NECTIN1: variants seen among roughly 807,000 people sequenced by gnomAD.
NECTIN1 encodes the protein nectin cell adhesion molecule 1.
A neutral mutation model predicts 48.0 loss-of-function variants in NECTIN1; 23 were observed. The ratio of observed to expected loss-of-function variants is 0.48; its 90% CI spans 0.34 to 0.68. NECTIN1 has a LOEUF of 0.68. NECTIN1 is among the 30% of genes least tolerant of loss of function. NECTIN1 has a pLI of 0.01. For missense variants in NECTIN1, 591 were observed against 709.9 expected, an observed-to-expected ratio of 0.83 and a Z score of 1.90; for synonymous variants, 270 against 288.9, an observed-to-expected ratio of 0.93 and a Z score of 0.66.
Position 119,677,461 on chromosome 11 carries a change from C to T in NECTIN1, c.733+94G>A, listed in dbSNP as rs891490814. The T allele has an allele frequency of 4.2e-6, 6 of 1,426,344 alleles. No homozygotes were observed. Among genetic ancestry groups the T allele is most frequent in the Non-Finnish European group, 5.9e-6 (6 of 1,015,184 alleles). The allele number at this position is 1,426,344 out of a possible 1,614,324, so 88.4% of individuals were successfully genotyped here. On this transcript the variant is annotated intron_variant, in intron 3 of 5. Coordinates refer to ENST00000264025, the MANE Select transcript of NECTIN1 (RefSeq NM_002855.5). The surrounding 1 kb of genome is among the most constrained non-coding windows in gnomAD (Gnocchi z 5.4). ...GAGACAGGAGGGGAGAAGAAAGCAC[C>T]CCCAGAAAGAGAAAGGGAGGAGAAA... is the stretch of plus-strand genomic sequence containing the variant.
Position 119,677,505 on chromosome 11 carries a change from G to A in NECTIN1, c.733+50C>T, listed in dbSNP as rs762963681. ...GGAGAAAGGAGAGGAGGAGGGAGGA[G>A]GGACAGTGGCGCCCACCCCAGGAGG... On this transcript the variant is annotated intron_variant, in intron 3 of 5. Transcript: ENST00000264025. The surrounding 1 kb of genome is among the most constrained non-coding windows in gnomAD (Gnocchi z 5.4). The A allele has an allele frequency of 1.9e-6, 3 of 1,584,198 alleles. No homozygotes were observed. The highest frequency in any genetic ancestry group is 2.2e-5 in the South Asian group (2 of 90,322).
rs992087653 is a variant in NECTIN1, at chr11:119,729,168, T to A, written c.-615A>T. On this transcript the variant is annotated 5_prime_UTR_variant, in exon 1 of 6. Transcript: ENST00000264025. ...GCCGGGTGCCGGCGATCCGCAACAA[T>A]GTGGAGCCGCGCTCGCTGCTCTCGC... 1 of 151,932 alleles carries A rather than the reference T, an allele frequency of 6.6e-6. No individual in the cohort carries two copies. Among genetic ancestry groups the A allele is most frequent in the Non-Finnish European group, 1.5e-5 (1 of 67,960 alleles). 9.4% of individuals were successfully genotyped at this position (151,932 alleles called of 1,614,324 possible).
At chr11:119,648,394 A>ATGGTGGTGGTGGTGG (rs1864442282) in intron 5 of NECTIN1, among the ~76,000 whole-genome samples, 1 of 6,674 alleles carries the variant, frequency 1.5e-4, no homozygotes, top group Admixed American at 1.9e-3. Flanking sequence ...GGTGGTGGTG[A>ATGGTGGTGGTGGTGG]TGGTGGTGAT....
intron 5 of NECTIN1, among the ~76,000 whole-genome samples, chr11:119,643,996 A>C (rs1430873600): frequency 6.6e-6 from 1 of 152,196 alleles, no homozygotes; most frequent in South Asian, 2.1e-4. Flanking sequence ...CCACAGCTGG[A>C]CTTGGGTCCA....
intron 1 of NECTIN1, among the ~76,000 whole-genome samples, chr11:119,693,901 C>A (rs1865303723): frequency 2.0e-5 from 3 of 152,202 alleles, no homozygotes; most frequent in African/African-American, 7.2e-5. Context: ...TGCATTTTCA[C>A]CCTAGCTAAT....
chr11:119,704,759 G>C (rs1458752617), intron 1 of NECTIN1, among the ~76,000 whole-genome samples: 1 of 152,144 alleles, frequency 6.6e-6, no homozygotes, highest in Non-Finnish European at 1.5e-5. Flanking sequence ...TCCACCCCGG[G>C]AGGCTCTCTC....
downstream of NECTIN1, chr11:119,658,872 TG>T (rs1185052862): frequency 6.6e-6 from 1 of 152,230 alleles, no homozygotes; most frequent in African/African-American, 2.4e-5. Flanking sequence ...TGAGCGTGAT[TG>T]GCGCATTCGT....
intron 1 of NECTIN1, among the ~76,000 whole-genome samples, chr11:119,704,581 G>A (rs1418292118): frequency 6.6e-6 from 1 of 152,218 alleles, no homozygotes; most frequent in African/African-American, 2.4e-5. Flanking sequence ...GAAAGAGGCT[G>A]TGGATTTCAG....
chr11:119,677,102 G>T lies in NECTIN1; in HGVS notation c.851C>A (p.Thr284Lys), dbSNP rs373403317. Residue 284 changes from threonine (T) to lysine (K), a missense_variant and splice_region_variant, in exon 4 of 6, where the codon ACG becomes AAG. Coordinates refer to ENST00000264025, the MANE Select transcript of NECTIN1 (RefSeq NM_002855.5). This position sits in a 1 kb window ranked among gnomAD's most constrained non-coding sequence, Gnocchi z 5.4. The stretch of plus-strand genomic sequence containing the variant: ...GACTGGTCAGCCCTGCAGCACTTAC[G>T]TGGTCCAGTGGTACTCAGTGGCTGG... The part of the protein sequence containing the change: ...NPPATEYHWT[T>K]LNGSLPKGVE... 1.9e-6 allele frequency: 3 copies of T among 1,613,414 alleles called. No homozygotes were observed. Among genetic ancestry groups the T allele is most frequent in the Non-Finnish European group, 1.7e-6 (2 of 1,179,430 alleles).
chr11:119,677,837 C>T lies in NECTIN1; in HGVS notation c.451G>A (p.Glu151Lys). 3 of 1,614,130 alleles carry T rather than the reference C, an allele frequency of 1.9e-6. No individual in the cohort carries two copies. The highest frequency in any genetic ancestry group is 2.5e-6 in the Non-Finnish European group (3 of 1,180,024). The change falls in exon 3 of 6, where the codon GAG (glutamate) becomes AAG (lysine). Residue 151 changes from glutamate (E) to lysine (K), a missense_variant. By Grantham distance (56) the Glu-to-Lys change is moderately conservative. Coordinates refer to ENST00000264025, the MANE Select transcript of NECTIN1 (RefSeq NM_002855.5). This position sits in a 1 kb window ranked among gnomAD's most constrained non-coding sequence, Gnocchi z 5.4. ...GCTCGAAGCACTGCCTGGGTACCCT[C>T]TATCCAATTGGTGGGTTTGGCTGCG... The part of the protein sequence containing the change: ...TVMAKPTNWI[E>K]GTQAVLRAKK...
chr11:119,697,260 A>T (rs1207730086), intron 1 of NECTIN1, among the ~76,000 whole-genome samples: 2 of 147,660 alleles, frequency 1.4e-5, no homozygotes, highest in Non-Finnish European at 3.0e-5. Flanking sequence ...TTCTTTTATG[A>T]GATGTGAACT....
rs774045034 is a variant in NECTIN1 at position 119,675,196 on chromosome 11, G to A, written c.966C>T (p.Ile322=). 1.4e-5 allele frequency: 23 copies of A among 1,614,062 alleles called. No individual in the cohort carries two copies. The highest frequency in any genetic ancestry group is 1.7e-5 in the Admixed American group (1 of 60,010). Residue 322 remains isoleucine (I), a synonymous_variant, in exon 5 of 6, where the codon ATC becomes ATT. Transcript: ENST00000264025. The stretch of plus-strand genomic sequence containing the variant: ...CCTCCACCTGGCCTGAGCGTGTACC[G>A]ATGGGGTTGGTGGCCTCACAGATGT... ...GTYICEATNP[I]GTRSGQVEVN...
intron 1 of NECTIN1, among the ~76,000 whole-genome samples, chr11:119,723,474 C>T (rs1486416611): frequency 1.3e-5 from 2 of 152,186 alleles, no homozygotes; most frequent in African/African-American, 4.8e-5. Flanking sequence ...CTGTGAAAGG[C>T]AGACCTCCCA....
Position 119,664,571 on chromosome 11 carries a change from C to T in NECTIN1, c.*176G>A. Reference sequence around the variant, plus strand: ...CGGAGGAGAGGGAGGAAATAAAACACAAAGCCAAGTCGTGGCTGCCCTGGG... The same window carrying T: ...CGGAGGAGAGGGAGGAAATAAAACATAAAGCCAAGTCGTGGCTGCCCTGGG... On this transcript the variant is annotated 3_prime_UTR_variant, in exon 6 of 6. Transcript: ENST00000264025. 1 of 1,434,492 alleles carries T rather than the reference C, an allele frequency of 7.0e-7. No individual in the cohort carries two copies. The highest frequency in any genetic ancestry group is 9.1e-7 in the Non-Finnish European group (1 of 1,096,498). 88.9% of individuals were successfully genotyped at this position (1,434,492 alleles called of 1,614,324 possible). A position where few individuals can be genotyped will look rare whatever the true frequency, so the allele number is the denominator to read the frequency against.
At chr11:119,640,083 A>G in intron 5 of NECTIN1, 1 of 1,462,532 alleles carries the variant, frequency 6.8e-7, no homozygotes, top group Non-Finnish European at 9.4e-7. Flanking sequence ...CAGAGATGTG[A>G]GAGAGTCAGA....
At chr11:119,648,808 G>A (rs943995916) in intron 5 of NECTIN1, among the ~76,000 whole-genome samples, 2 of 151,998 alleles carry the variant, frequency 1.3e-5, no homozygotes, top group African/African-American at 4.8e-5. Context: ...CACCCAGGAG[G>A]CTTCCATTTT....
At chr11:119,719,850 G>C (rs1210224292) in intron 1 of NECTIN1, among the ~76,000 whole-genome samples, 2 of 152,210 alleles carry the variant, frequency 1.3e-5, no homozygotes, top group Non-Finnish European at 2.9e-5. Flanking sequence ...TGGGGGATTT[G>C]AGATGAGAGA....
intron 5 of NECTIN1, among the ~76,000 whole-genome samples, chr11:119,651,923 G>C (rs942440098): frequency 6.6e-6 from 1 of 152,110 alleles, no homozygotes. Context: ...ATGCAGAGAG[G>C]GGTCATGGAA....
intron 1 of NECTIN1, among the ~76,000 whole-genome samples, chr11:119,705,108 A>G (rs1865525859): frequency 6.6e-6 from 1 of 152,154 alleles, no homozygotes; most frequent in Non-Finnish European, 1.5e-5. Flanking sequence ...GCCAGGGTGG[A>G]ACCATAAGGG....
Sources: gnomAD v4.1 joint callset for allele counts (sites outside exome capture counted in the v4.1 genomes callset) on GRCh38, gnomAD v4.1.1 for gene constraint, Gnocchi (gnomAD v3.1) non-coding constraint, MANE v1.5 for transcripts, NCBI Gene and HGNC (gene_info 2026-07-23, HGNC 2026-07-21) for gene names.